FMN2: variants seen among roughly 807,000 people sequenced by gnomAD.
FMN2 encodes the protein formin-2.
A neutral mutation model predicts 142.3 loss-of-function variants in FMN2; 51 were observed. That is an observed-to-expected ratio of 0.36 (90% CI 0.29 to 0.45). FMN2 has a LOEUF of 0.45. Among genes scored for constraint, FMN2 ranks in the 20% least tolerant of loss-of-function variants. FMN2 has a pLI of 1.00. For missense variants in FMN2, 1,936 were observed against 2,122.8 expected (o/e 0.91, Z 1.73); for synonymous variants, 882 against 869.8 (o/e 1.01, Z -0.25).
At chr1:240,452,836 T>G (rs1366722350) in intron 16 of FMN2, among the ~76,000 whole-genome samples, 1 of 152,206 alleles carries the variant, frequency 6.6e-6, no homozygotes, top group Non-Finnish European at 1.5e-5. Context: ...CATGTGCTGT[T>G]TTTATGACAG....
intron 1 of FMN2, among the ~76,000 whole-genome samples, chr1:240,122,062 A>AAATTATT (rs1553327478): frequency 2.1e-5 from 2 of 97,114 alleles, no homozygotes; most frequent in African/African-American, 6.3e-5. Context: ...TTTGGATCCA[A>AAATTATT]AATTAATTAA....
intron 15 of FMN2, among the ~76,000 whole-genome samples, chr1:240,423,101 G>A (rs116234038): frequency 0.012 from 1,819 of 152,246 alleles, 42 homozygotes; most frequent in African/African-American, 0.04. Context: ...TTCATTGCCT[G>A]CAACAAACTG....
rs546699509 is a variant in FMN2, at chr1:240,348,320, C to A, written c.4766-7496C>A. Among the ~76,000 whole-genome samples, 116 of 151,322 alleles carry A rather than the reference C, an allele frequency of 7.7e-4. 1 individual carries two copies. Among genetic ancestry groups the A allele is most frequent in the South Asian group, 4.2e-3 (20 of 4,796 alleles). On this transcript the variant is annotated intron_variant, in intron 13 of 17. Transcript: ENST00000319653. ...CACTGCAACCTCTGCCTCCCGGGTT[C>A]AAGTGATTCTCGTGACTCAGCCTCT...
At chr1:240,450,251 TTATAAC>T (rs1432893458) in intron 16 of FMN2, among the ~76,000 whole-genome samples, 3 of 152,214 alleles carry the variant, frequency 2.0e-5, no homozygotes, top group African/African-American at 4.8e-5. Flanking sequence ...GGCTTTCTAA[TTATAAC>T]TATAATTTAT....
At chr1:240,279,209 C>T (rs115693213) in intron 7 of FMN2, among the ~76,000 whole-genome samples, 1,675 of 152,112 alleles carry the variant, frequency 0.011, 39 homozygotes, top group African/African-American at 0.038. Flanking sequence ...GCACATATTA[C>T]GAGCGATTGA....
At chr1:240,252,964 T>TTTTTTTTTG (rs1668332907) in intron 6 of FMN2, among the ~76,000 whole-genome samples, 1 of 125,040 alleles carries the variant, frequency 8.0e-6, no homozygotes, top group Admixed American at 8.8e-5. Flanking sequence ...TTTTTTTTTT[T>TTTTTTTTTG]TTTTTTGGAG....
rs183906722 is a variant in FMN2, at chr1:240,162,242, G to T, written c.1783-15679G>T. ...GCACTTTGGGAGGCCGAGGCAGGTG[G>T]ATCACAGGGTCAGGAGTTCGAGACC... On this transcript the variant is annotated intron_variant, in intron 2 of 17. Transcript: ENST00000319653. 3.3e-5 allele frequency among the ~76,000 whole-genome samples: 5 copies of T among 152,238 alleles called. No homozygotes were observed. The East Asian group carries it at 5.8e-4, about 18-fold the overall frequency.
chr1:240,273,982 G>T (rs1669106526), intron 7 of FMN2, among the ~76,000 whole-genome samples: 1 of 152,086 alleles, frequency 6.6e-6, no homozygotes, highest in Admixed American at 6.6e-5. Flanking sequence ...TTTCCACAAA[G>T]AAAGATGCCA....
At chr1:240,222,674 G>A (rs1324584077) in intron 6 of FMN2, among the ~76,000 whole-genome samples, 1 of 152,132 alleles carries the variant, frequency 6.6e-6, no homozygotes, top group Non-Finnish European at 1.5e-5. Flanking sequence ...TCCTTGAGCA[G>A]TGGTTTGCAG....
chr1:240,102,821 G>A (rs1190593330), intron 1 of FMN2, among the ~76,000 whole-genome samples: 1 of 151,872 alleles, frequency 6.6e-6, no homozygotes, highest in African/African-American at 2.4e-5. Flanking sequence ...AGAGACATTT[G>A]ACTGGGCTGA....
intron 15 of FMN2, among the ~76,000 whole-genome samples, chr1:240,432,587 T>C (rs780785675): frequency 6.6e-6 from 1 of 152,040 alleles, no homozygotes; most frequent in Non-Finnish European, 1.5e-5. Flanking sequence ...TCTAAATAAC[T>C]GATTTTACAC....
chr1:240,397,785 CAAAAAAA>C lies in FMN2; in HGVS notation c.4910+5242_4910+5248del, dbSNP rs35826717. On this transcript the variant is annotated intron_variant, in intron 15 of 17. Transcript: ENST00000319653. ...AGCCCAGGCAACATAGACTCCTTCTCAAAAAAAAAAAAAAAAAAAAAAAAAGTTAACC... is the reference window on the plus strand; with the variant it reads ...AGCCCAGGCAACATAGACTCCTTCTCAAAAAAAAAAAAAAAAAAGTTAACC... Among the ~76,000 whole-genome samples the C allele has an allele frequency of 2.8e-4, 13 of 46,816 alleles. No homozygotes were observed. The South Asian group carries it at 3.3e-3, about 12-fold the overall frequency. The allele number at this position is 46,816 out of a possible 152,430, so 30.7% of individuals were successfully genotyped here.
At chr1:240,148,261 GAGAGACAGAGATAGAC>G (rs1663579553) in intron 2 of FMN2, among the ~76,000 whole-genome samples, 1 of 147,752 alleles carries the variant, frequency 6.8e-6, no homozygotes, top group African/African-American at 2.5e-5. Context: ...GAGATAGACA[GAGAGACAGAGATAGAC>G]AGAGACAGAG....
chr1:240,101,205 A>G (rs1006693264), intron 1 of FMN2, among the ~76,000 whole-genome samples: 1 of 152,158 alleles, frequency 6.6e-6, no homozygotes, highest in African/African-American at 2.4e-5. Context: ...AGTGAATGCA[A>G]TCTTGCTGGG....
chr1:240,427,993 A>T lies in FMN2; in HGVS notation c.4911-10068A>T, dbSNP rs116260269. Reference sequence around the variant, plus strand: ...TGAAATACTTTTTCTTTAAAGAAAAACTTTTCCTTATTTGGCATAGAGTTA... The same window carrying T: ...TGAAATACTTTTTCTTTAAAGAAAATCTTTTCCTTATTTGGCATAGAGTTA... On this transcript the variant is annotated intron_variant, in intron 15 of 17. Coordinates refer to ENST00000319653, the MANE Select transcript of FMN2 (RefSeq NM_020066.5). Among the ~76,000 whole-genome samples, 993 of 152,154 alleles carry T rather than the reference A, an allele frequency of 6.5e-3. 9 individuals carry two copies. The highest frequency in any genetic ancestry group is 0.023 in the African/African-American group (948 of 41,512).
chr1:240,222,166 A>G (rs1049944954), intron 6 of FMN2, among the ~76,000 whole-genome samples: 1 of 151,966 alleles, frequency 6.6e-6, no homozygotes, highest in Admixed American at 6.6e-5. Flanking sequence ...TAATTTTCAT[A>G]TAGGATGTAA....
intron 7 of FMN2, among the ~76,000 whole-genome samples, chr1:240,291,534 T>A (rs1456651): frequency 0.3 from 45,090 of 152,140 alleles, 7,155 homozygotes; most frequent in Admixed American, 0.47. Flanking sequence ...TAATCTGAAC[T>A]AAACATTTAT....
intron 4 of FMN2, among the ~76,000 whole-genome samples, chr1:240,201,141 C>T (rs976891157): frequency 2.2e-4 from 33 of 152,032 alleles, no homozygotes; most frequent in African/African-American, 7.7e-4. Flanking sequence ...AAATAAAATA[C>T]ATAACAGAAA....
At chr1:240,313,125 T>C (rs1670650509) in intron 8 of FMN2, among the ~76,000 whole-genome samples, 1 of 152,208 alleles carries the variant, frequency 6.6e-6, no homozygotes, top group African/African-American at 2.4e-5. Flanking sequence ...TTACCCTTTC[T>C]TTTGGGAGGT....
Sources: gnomAD v4.1 joint callset for allele counts (sites outside exome capture counted in the v4.1 genomes callset) on GRCh38, gnomAD v4.1.1 for gene constraint, MANE v1.5 for transcripts, NCBI Gene and HGNC (gene_info 2026-07-23, HGNC 2026-07-21) for gene names.